ROBO4: variants seen among roughly 807,000 people sequenced by gnomAD.
ROBO4 encodes the protein roundabout homolog 4.
ROBO4 carries 80 observed loss-of-function variants against 103.3 expected under a neutral mutation model. The observed-to-expected ratio is 0.77, with a 90% CI of 0.65 to 0.93. ROBO4 has a LOEUF of 0.93. Among genes scored for constraint, ROBO4 ranks in the 40% least tolerant of loss-of-function variants. The probability of loss-of-function intolerance (pLI) is 0.00; values close to 1 mark genes in which losing one functional copy is unlikely to be tolerated. For synonymous variants in ROBO4, 504 were observed against 529.7 expected (o/e 0.95, Z 0.67); for missense variants, 1,333 against 1,305.3 (o/e 1.02, Z -0.33).
At chr11:124,894,650 C>G (rs1272893452) in intron 7 of ROBO4, among the ~76,000 whole-genome samples, 3 of 152,216 alleles carry the variant, frequency 2.0e-5, no homozygotes, top group African/African-American at 7.2e-5. Flanking sequence ...TGCTATAGTA[C>G]AGTTTGCCAG....
rs750049739 is a variant in ROBO4 at position 124,891,385 on chromosome 11, G to C, written c.1862C>G (p.Ser621Ter). ...TCCCCTGCGGCTGCAGAGGCTGTCT[G>C]AGCTGGAACAGGGGCTGGAGAGCTG... ...LAQLSSPCSS[S>*]DSLCSRRGLS... Residue 621 changes from serine (S) to a stop codon, truncating the protein, a stop_gained, in exon 12 of 18, where the codon TCA (serine) becomes TGA (stop). Coordinates refer to ENST00000306534, the MANE Select transcript of ROBO4 (RefSeq NM_019055.6). LOFTEE classifies it high-confidence loss of function. 1.3e-6 allele frequency: 2 copies of C among 1,567,994 alleles called. No homozygotes were observed. Among genetic ancestry groups the C allele is most frequent in the Admixed American group, 3.6e-5 (2 of 55,938 alleles).
intron 12 of ROBO4, 144 bp downstream of exon 12, chr11:124,891,155 C>CT (rs141137917): frequency 0.16 from 161,593 of 998,708 alleles, 16,516 homozygotes; most frequent in African/African-American, 0.45. Context: ...AGAAAGAGGT[C>CT]TTGTGTCCAC....
At chr11:124,889,905 G>A (rs938032717) in intron 12 of ROBO4, among the ~76,000 whole-genome samples, 1 of 152,212 alleles carries the variant, frequency 6.6e-6, no homozygotes, top group African/African-American at 2.4e-5. Context: ...AGTCGCTGCA[G>A]TTGACCTATC....
chr11:124,897,509 C>A, intron 1 of ROBO4: 1 of 585,688 alleles, frequency 1.7e-6, no homozygotes, highest in East Asian at 2.8e-5. Context: ...TTCTCTCTTT[C>A]TTTCTTTCTC....
In ROBO4 at chr11:124,894,535, T is replaced by C. The variant is rs1384735479; in HGVS notation, c.1150-166A>G. 5.5e-5 allele frequency: 34 copies of C among 620,184 alleles called. No homozygotes were observed. In the Admixed American group the frequency reaches 1.0e-3, roughly 18 times the overall value. The allele number at this position is 620,184 out of a possible 1,614,324, so 38.4% of individuals were successfully genotyped here. On this transcript the variant is annotated intron_variant, in intron 7 of 17. Transcript: ENST00000306534. ...CCTATTCTCCCTACCAAGTGAGAGATACCTCTCTCTAGATCAACAGTAGAA... is the reference window on the plus strand; with the variant it reads ...CCTATTCTCCCTACCAAGTGAGAGACACCTCTCTCTAGATCAACAGTAGAA...
chr11:124,897,238 G>T lies in ROBO4; in HGVS notation c.94C>A (p.Pro32Thr), dbSNP rs1479352457. The change falls in exon 2 of 18, where the codon CCC becomes ACC. Residue 32 changes from proline (P) to threonine (T), a missense_variant. Coordinates refer to ENST00000306534, the MANE Select transcript of ROBO4 (RefSeq NM_019055.6). Reference protein sequence around the residue: ...IMGGMAQDSPPQILVHPQDQL... With the variant: ...IMGGMAQDSPTQILVHPQDQL... ...TCCTGGGGGTGGACTAGGATCTGGG[G>T]CGGGGAGTCCTGAGCCATGCCTCCT... The T allele has an allele frequency of 6.9e-7, 1 of 1,457,360 alleles. No individual in the cohort carries two copies. The allele number at this position is 1,457,360 out of a possible 1,614,324, so 90.3% of individuals were successfully genotyped here.
Position 124,883,730 on chromosome 11 carries a change from C to G in ROBO4, c.*1161G>C. On this transcript the variant is annotated 3_prime_UTR_variant, in exon 18 of 18. Transcript: ENST00000306534. ...TTCACCATGTTAGCCAGGATGGTCT[C>G]GATCTCCTGACCTCATGATCTGCCT... 6.6e-6 allele frequency: 1 copy of G among 150,440 alleles called. No homozygotes were observed. The highest frequency in any genetic ancestry group is 1.5e-5 in the Non-Finnish European group (1 of 67,740). The allele number at this position is 150,440 out of a possible 1,614,324, so 9.3% of individuals were successfully genotyped here. A position where few individuals can be genotyped will look rare whatever the true frequency, so the allele number is the denominator to read the frequency against.
chr11:124,884,975 T>A (rs1354610087), intron 17 of ROBO4, 62 bp from the exon 18 acceptor site: 5 of 1,612,290 alleles, frequency 3.1e-6, no homozygotes, highest in Non-Finnish European at 4.2e-6. Context: ...CCAGGCTTCC[T>A]CCTGGCTTCT....
Position 124,886,702 on chromosome 11 carries a change from C to A in ROBO4, c.2556G>T (p.Lys852Asn), listed in dbSNP as rs1204659212. 6.2e-7 allele frequency: 1 copy of A among 1,608,874 alleles called. No individual in the cohort carries two copies. The highest frequency in any genetic ancestry group is 2.2e-5 in the East Asian group (1 of 44,774). The change falls in exon 16 of 18, where the codon AAG becomes AAT. Residue 852 changes from lysine to asparagine, a missense_variant. Physicochemically the swap from Lys to Asn is moderately conservative, Grantham distance 94 (BLOSUM62 0). Transcript: ENST00000306534. ...GAGGTGGGCACAGCAAGACTCCCCCCTTGGGCCCCACCCCTCCTCCAGTCC... is the reference window on the plus strand; with the variant it reads ...GAGGTGGGCACAGCAAGACTCCCCCATTGGGCCCCACCCCTCCTCCAGTCC... ...MGRTGGGVGP[K>N]GGVLLCPPRP... is the part of the protein sequence containing the mutation.
chr11:124,885,265 G>A lies in ROBO4; in HGVS notation c.2795-18C>T, dbSNP rs113996664. The A allele has an allele frequency of 8.6e-4, 1,377 of 1,599,404 alleles. 8 individuals carry two copies. The African/African-American group carries it at 0.016, about 19-fold the overall frequency. On this transcript the variant is annotated intron_variant, in intron 16 of 17. Transcript: ENST00000306534. ...TGAGGCATCTGTCAGGGAGGGTAGA[G>A]GTGTCTGTGGGAGGTTGACCTTCAG...
In ROBO4 at chr11:124,891,703, C is replaced by G. The variant is rs747378317; in HGVS notation, c.1647G>C (p.Gly549=). The G allele has an allele frequency of 2.6e-5, 42 of 1,614,178 alleles. No homozygotes were observed. The highest frequency in any genetic ancestry group is 3.3e-5 in the Non-Finnish European group (39 of 1,180,046). The change falls in exon 11 of 18, where the codon GGG becomes GGC. Residue 549 remains glycine (G), a synonymous_variant. Coordinates refer to ENST00000306534, the MANE Select transcript of ROBO4 (RefSeq NM_019055.6). Reference sequence around the variant, plus strand: ...AGTCTAGTGGGTCCCGGGCATCCGCCCCCAGCCGACTGCTGAGGCTGCTGC... The same window carrying G: ...AGTCTAGTGGGTCCCGGGCATCCGCGCCCAGCCGACTGCTGAGGCTGCTGC... ...SSSSSLSSRL[G]ADARDPLDCR...
In ROBO4 at chr11:124,885,263, G is replaced by C. The variant is rs1946693951; in HGVS notation, c.2795-16C>G. 6.2e-7 allele frequency: 1 copy of C among 1,602,384 alleles called. No individual in the cohort carries two copies. Among genetic ancestry groups the C allele is most frequent in the African/African-American group, 1.3e-5 (1 of 74,846 alleles). ...GATGAGGCATCTGTCAGGGAGGGTA[G>C]AGGTGTCTGTGGGAGGTTGACCTTC... is the stretch of plus-strand genomic sequence containing the variant. On this transcript the variant is annotated splice_polypyrimidine_tract_variant and intron_variant, in intron 16 of 17. Coordinates refer to ENST00000306534, the MANE Select transcript of ROBO4 (RefSeq NM_019055.6).
chr11:124,886,426 G>T (rs1946712533), intron 16 of ROBO4, 38 bp downstream of exon 16: 1 of 1,489,294 alleles, frequency 6.7e-7, no homozygotes, highest in Non-Finnish European at 9.3e-7. Flanking sequence ...AAAGGCAAGG[G>T]GCATGAGTGA....
chr11:124,886,529 AG>A lies in ROBO4; in HGVS notation c.2728del (p.Leu910TrpfsTer12). The part of the protein sequence containing the change: ...FLADAHFARA[L>X]AVAVDSFGFG... ...ACCAAAGCTATCCACAGCCACTGCCAGGGCCCGGGCAAAGTGAGCATCAGCG... is the reference window on the plus strand; with the variant it reads ...ACCAAAGCTATCCACAGCCACTGCCAGGCCCGGGCAAAGTGAGCATCAGCG... On this transcript the variant is annotated frameshift_variant, in exon 16 of 18. Coordinates refer to ENST00000306534, the MANE Select transcript of ROBO4 (RefSeq NM_019055.6). LOFTEE classifies it high-confidence loss of function. The A allele has an allele frequency of 6.2e-7, 1 of 1,614,208 alleles. No homozygotes were observed.
Position 124,897,191 on chromosome 11 carries a change from G to T in ROBO4, c.141C>A (p.Gly47=). The T allele has an allele frequency of 2.0e-6, 3 of 1,519,470 alleles. No individual in the cohort carries two copies. The highest frequency in any genetic ancestry group is 1.3e-5 in the South Asian group (1 of 75,132). The allele number at this position is 1,519,470 out of a possible 1,614,324, so 94.1% of individuals were successfully genotyped here. Residue 47 remains glycine (G), a synonymous_variant, in exon 2 of 18, where the codon GGC becomes GGA. Coordinates refer to ENST00000306534, the MANE Select transcript of ROBO4 (RefSeq NM_019055.6). Reference sequence around the variant, plus strand: ...AGGCTTGGCAGCTCATCCTGGCAGGGCCAGGGCCCTGGAACAGCTGGTCCT... The same window carrying T: ...AGGCTTGGCAGCTCATCCTGGCAGGTCCAGGGCCCTGGAACAGCTGGTCCT... ...HPQDQLFQGP[G]PARMSCQASG... is the part of the protein sequence containing the mutation.
rs1394770387 is a variant in ROBO4, at chr11:124,891,652, C to G, written c.1684+14G>C. ...GCCCCCAGCTAGGCCCTTGCCCCCA[C>G]TGAGCATGCTCACAGGAGCGACGAC... On this transcript the variant is annotated intron_variant, in intron 11 of 17. Coordinates refer to ENST00000306534, the MANE Select transcript of ROBO4 (RefSeq NM_019055.6). 1 of 1,614,212 alleles carries G rather than the reference C, an allele frequency of 6.2e-7. No individual in the cohort carries two copies. Among genetic ancestry groups the G allele is most frequent in the Non-Finnish European group, 8.5e-7 (1 of 1,180,048 alleles).
intron 1 of ROBO4, chr11:124,897,499 TTC>T (rs1946917134): frequency 3.6e-6 from 2 of 560,578 alleles, no homozygotes; most frequent in African/African-American, 1.9e-5. Context: ...CTCTCTTACT[TTC>T]TCTCTTTCTT....
rs754919172 is a variant in ROBO4 at position 124,894,277 on chromosome 11, G to T, written c.1242C>A (p.Gly414=). Residue 414 remains glycine (G), a synonymous_variant, in exon 8 of 18, where the codon GGC becomes GGA. Coordinates refer to ENST00000306534, the MANE Select transcript of ROBO4 (RefSeq NM_019055.6). ...TQLEIATHMP[G]SYCVQVAAVT... is the part of the protein sequence containing the mutation. ...CTGCAGCCACTTGCACGCAGTAGGA[G>T]CCTGGCATATGGGTGGCGATTTCCA... is the stretch of plus-strand genomic sequence containing the variant. 5.0e-6 allele frequency: 8 copies of T among 1,614,016 alleles called. No homozygotes were observed. In the South Asian group the frequency reaches 8.8e-5, roughly 18 times the overall value.
chr11:124,891,597 C>T (rs371441468), intron 11 of ROBO4, 35 bp from the exon 12 acceptor site: 3 of 1,614,214 alleles, frequency 1.9e-6, no homozygotes, highest in Non-Finnish European at 1.7e-6. Flanking sequence ...TTATGGTGAG[C>T]ATGTCCTGCT....
Sources: gnomAD v4.1 joint callset for allele counts (sites outside exome capture counted in the v4.1 genomes callset) on GRCh38, gnomAD v4.1.1 for gene constraint, MANE v1.5 for transcripts, NCBI Gene and HGNC (gene_info 2026-07-23, HGNC 2026-07-21) for gene names.